ZNF565: variants seen among roughly 807,000 people sequenced by gnomAD.
ZNF565 encodes the protein zinc finger protein 565.
Under a neutral mutation model 39.4 loss-of-function variants are expected in ZNF565, and 27 were observed. The observed-to-expected ratio is 0.69, with a 90% CI of 0.51 to 0.95. The LOEUF (loss-of-function observed/expected upper bound fraction) is 0.95, where lower values mean the gene tolerates loss of function less well. Among genes scored for constraint, ZNF565 ranks in the 40% least tolerant of loss-of-function variants. The pLI, the probability that ZNF565 is intolerant of heterozygous loss-of-function variation, is 0.00. For synonymous variants in ZNF565, 185 were observed against 216.6 expected, an observed-to-expected ratio of 0.85 and a Z score of 1.28; for missense variants, 524 against 621.1, an observed-to-expected ratio of 0.84 and a Z score of 1.66.
At position 36,182,958 on chromosome 19, in the gene ZNF565, C is replaced by T. The variant is rs2145288677; in HGVS notation, c.1008G>A (p.Glu336=). 6.2e-7 allele frequency: 1 copy of T among 1,614,012 alleles called. No individual in the cohort carries two copies. The highest frequency in any genetic ancestry group is 8.5e-7 in the Non-Finnish European group (1 of 1,180,032). ...TAAAGCCCTTTCCGCATTCCTTACA[C>T]TCGTAGGGTTTCTCACCAGTGTGGA... is the stretch of plus-strand genomic sequence containing the variant. ...QRIHTGEKPY[E]CKECGKGFIH... Residue 336 remains glutamate (E), a synonymous_variant, in exon 5 of 5, where the codon GAG becomes GAA. Transcript: ENST00000304116.
intron 4 of ZNF565, among the ~76,000 whole-genome samples, chr19:36,188,642 G>T (rs1446219813): frequency 6.6e-6 from 1 of 151,218 alleles, no homozygotes; most frequent in Non-Finnish European, 1.5e-5. Context: ...CATCTGGGAG[G>T]TGGAGGTTGC....
At chr19:36,212,045 C>T (rs540926119) in intron 1 of ZNF565, among the ~76,000 whole-genome samples, 11 of 152,268 alleles carry the variant, frequency 7.2e-5, no homozygotes, top group African/African-American at 2.2e-4. Flanking sequence ...TGGCAATCAC[C>T]GTCTTAACCA....
intron 1 of ZNF565, among the ~76,000 whole-genome samples, chr19:36,239,227 T>C (rs1043938128): frequency 2.0e-5 from 3 of 152,186 alleles, no homozygotes; most frequent in Non-Finnish European, 4.4e-5. Flanking sequence ...CTTCATATAA[T>C]TGGTCTTTTT....
chr19:36,214,231 A>G (rs535387475), intron 1 of ZNF565, among the ~76,000 whole-genome samples: 16 of 152,170 alleles, frequency 1.1e-4, no homozygotes, highest in African/African-American at 3.4e-4. Context: ...GCAATTGCAC[A>G]CGGCCACAGT....
intron 1 of ZNF565, among the ~76,000 whole-genome samples, chr19:36,241,653 G>A (rs375205933): frequency 5.3e-5 from 8 of 151,548 alleles, no homozygotes; most frequent in South Asian, 2.1e-4. Flanking sequence ...TTAGCTGGGC[G>A]TGGTAGTGGA....
intron 1 of ZNF565, among the ~76,000 whole-genome samples, chr19:36,211,303 C>T (rs1037458434): frequency 4.6e-5 from 7 of 151,886 alleles, no homozygotes; most frequent in East Asian, 3.9e-4. Context: ...ATTAGCCGGG[C>T]GTGGTGGTGT....
Position 36,236,237 on chromosome 19 carries a change from C to T in ZNF565, c.55+9239G>A, listed in dbSNP as rs1007012360. ...CTTCATTGAATATTAGAAAATTTTT[C>T]TAGAGAGAAAGCATTGAATATACTG... On this transcript the variant is annotated intron_variant, in intron 1 of 4. Coordinates refer to the ZNF565 transcript ENST00000355114. 23 of 556,938 alleles carry T rather than the reference C, an allele frequency of 4.1e-5. No homozygotes were observed. In the African/African-American group the frequency reaches 4.3e-4, roughly 10 times the overall value. 34.5% of individuals were successfully genotyped at this position (556,938 alleles called of 1,614,324 possible). A position where few individuals can be genotyped will look rare whatever the true frequency, so the allele number is the denominator to read the frequency against.
chr19:36,209,175 T>C (rs1322047943), intron 1 of ZNF565, among the ~76,000 whole-genome samples: 1 of 152,092 alleles, frequency 6.6e-6, no homozygotes, highest in African/African-American at 2.4e-5. Flanking sequence ...TATTTAACCA[T>C]AAAACCAAGA....
intron 4 of ZNF565, among the ~76,000 whole-genome samples, chr19:36,185,521 G>C (rs1041872577): frequency 6.6e-6 from 1 of 151,772 alleles, no homozygotes; most frequent in Non-Finnish European, 1.5e-5. Context: ...AGCAAGAGCA[G>C]GGCCTCTTCA....
At chr19:36,194,912 C>A (rs765882289) in intron 3 of ZNF565, 118 bp downstream of exon 3, 3 of 1,485,590 alleles carry the variant, frequency 2.0e-6, no homozygotes, top group Middle Eastern at 3.5e-4. Context: ...TAGTTTGTAG[C>A]GTCTCCTGTG....
intron 1 of ZNF565, among the ~76,000 whole-genome samples, chr19:36,243,195 G>A (rs777434249): frequency 2.0e-5 from 3 of 151,912 alleles, no homozygotes; most frequent in Admixed American, 6.6e-5. Context: ...CACCACGCCC[G>A]GCTAATTTTT....
At chr19:36,234,361 CA>C (rs374641166) in intron 1 of ZNF565, among the ~76,000 whole-genome samples, 1 of 150,310 alleles carries the variant, frequency 6.7e-6, no homozygotes, top group South Asian at 2.1e-4. Flanking sequence ...AAGACTGTCT[CA>C]AAAAAAAAGG....
At chr19:36,208,858 G>C (rs1024979186) in intron 1 of ZNF565, among the ~76,000 whole-genome samples, 1 of 151,844 alleles carries the variant, frequency 6.6e-6, no homozygotes, top group Admixed American at 6.6e-5. Flanking sequence ...TTTGAGGTAG[G>C]GTCTAATTCT....
chr19:36,214,302 G>A (rs1251478704), intron 1 of ZNF565, among the ~76,000 whole-genome samples: 1 of 152,022 alleles, frequency 6.6e-6, no homozygotes, highest in East Asian at 1.9e-4. Context: ...CACACCCGCA[G>A]TGGTCACACA....
chr19:36,244,800 G>T (rs1456432386), intron 1 of ZNF565, among the ~76,000 whole-genome samples: 1 of 147,936 alleles, frequency 6.8e-6, no homozygotes, highest in African/African-American at 2.5e-5. Context: ...GCAGTGAGCC[G>T]AGATCGTGCC....
upstream of ZNF565, among the ~76,000 whole-genome samples, chr19:36,215,746 G>A (rs1976575735): frequency 1.3e-5 from 2 of 152,082 alleles, no homozygotes; most frequent in South Asian, 4.2e-4. Context: ...CATCTTTGGG[G>A]TACTTAAATA....
At chr19:36,184,547 G>A (rs1975221640) in intron 4 of ZNF565, among the ~76,000 whole-genome samples, 1 of 151,914 alleles carries the variant, frequency 6.6e-6, no homozygotes, top group Admixed American at 6.6e-5. Flanking sequence ...TTACAGGCGT[G>A]AGCCACCTCG....
intron 1 of ZNF565, among the ~76,000 whole-genome samples, chr19:36,203,807 C>T (rs151044926): frequency 6.6e-6 from 1 of 151,120 alleles, no homozygotes; most frequent in Non-Finnish European, 1.5e-5. Flanking sequence ...GAGCTCCTCA[C>T]CTCAGGTGAT....
chr19:36,230,561 G>A (rs559895185), intron 1 of ZNF565, among the ~76,000 whole-genome samples: 5 of 152,264 alleles, frequency 3.3e-5, no homozygotes, highest in East Asian at 3.9e-4. Flanking sequence ...TGAAGAGTGC[G>A]AGAGTGGGCG....
Sources: gnomAD v4.1 joint callset for allele counts (sites outside exome capture counted in the v4.1 genomes callset) on GRCh38, gnomAD v4.1.1 for gene constraint, MANE v1.5 for transcripts, NCBI Gene and HGNC (gene_info 2026-07-23, HGNC 2026-07-21) for gene names.